COP1: variants seen among roughly 807,000 people sequenced by gnomAD.
The protein encoded by COP1 is E3 ubiquitin-protein ligase COP1.
COP1 carries 24 observed loss-of-function variants against 101.3 expected under a neutral mutation model. The ratio of observed to expected loss-of-function variants is 0.24; its 90% CI spans 0.17 to 0.33. COP1 has a LOEUF of 0.33. COP1 is among the 10% of genes least tolerant of loss of function. COP1 has a pLI of 1.00. For missense variants in COP1, 663 were observed against 906.2 expected (o/e 0.73, Z 3.45); for synonymous variants, 347 against 341.9 (o/e 1.01, Z -0.17).
At chr1:176,044,010 C>G (rs537000897) in intron 12 of COP1, among the ~76,000 whole-genome samples, 192 bp from the exon 13 acceptor site, 1 of 152,212 alleles carries the variant, frequency 6.6e-6, no homozygotes, top group Non-Finnish European at 1.5e-5. Flanking sequence ...TAAAAATTAA[C>G]AAGTAATGAC....
At position 176,176,011 on chromosome 1, in the gene COP1, T is replaced by TTA. The variant is rs1197996716; in HGVS notation, c.468-6_468-5dup. The TTA allele has an allele frequency of 1.1e-5, 15 of 1,417,224 alleles. No homozygotes were observed. The highest frequency in any genetic ancestry group is 1.5e-5 in the Non-Finnish European group (15 of 1,019,040). The allele number at this position is 1,417,224 out of a possible 1,614,324, so 87.8% of individuals were successfully genotyped here. A position where few individuals can be genotyped will look rare whatever the true frequency, so the allele number is the denominator to read the frequency against. On this transcript the variant is annotated splice_polypyrimidine_tract_variant and splice_region_variant and intron_variant, in intron 2 of 19. Coordinates refer to ENST00000367669, the MANE Select transcript of COP1 (RefSeq NM_022457.7). Reference sequence around the variant, plus strand: ...ACTCTGATGAATACACTTGTAGCTATTAGTAGGGGGGGAAAAAAAAGGCTT... The same window carrying TTA: ...ACTCTGATGAATACACTTGTAGCTATTATAGTAGGGGGGGAAAAAAAAGGCTT...
intron 1 of COP1, among the ~76,000 whole-genome samples, chr1:176,185,989 T>C (rs186976521): frequency 7.4e-4 from 112 of 152,266 alleles, no homozygotes; most frequent in Admixed American, 9.2e-4. Flanking sequence ...CTCAAATATG[T>C]ATAGATGATA....
Position 175,966,519 on chromosome 1 carries a change from A to G in COP1, c.2134-19280T>C, listed in dbSNP as rs150894742. Among the ~76,000 whole-genome samples the G allele has an allele frequency of 2.6e-3, 398 of 152,332 alleles. 3 individuals are homozygous for G. The highest frequency in any genetic ancestry group is 9.1e-3 in the African/African-American group (380 of 41,570). Reference sequence around the variant, plus strand: ...AAATTCATACACACAGCTAAGAAAGAGCAAAGCCAGGAATCAACTTGTGAA... The same window carrying G: ...AAATTCATACACACAGCTAAGAAAGGGCAAAGCCAGGAATCAACTTGTGAA... On this transcript the variant is annotated intron_variant, in intron 18 of 19. Coordinates refer to ENST00000367669, the MANE Select transcript of COP1 (RefSeq NM_022457.7).
intron 15 of COP1, among the ~76,000 whole-genome samples, chr1:176,004,424 T>C (rs1312142191): frequency 8.2e-6 from 1 of 122,154 alleles, no homozygotes; most frequent in African/African-American, 2.7e-5. Context: ...ATCCCTGTCT[T>C]GTGCCAGTTT....
chr1:176,135,233 A>G (rs777684571), intron 7 of COP1, 147 bp from the exon 8 acceptor site: 2 of 527,402 alleles, frequency 3.8e-6, no homozygotes, highest in Non-Finnish European at 6.8e-6. Flanking sequence ...CTTCCTCTCC[A>G]CAGAATACAA....
intron 15 of COP1, among the ~76,000 whole-genome samples, chr1:176,003,309 A>C (rs1424723414): frequency 1.3e-5 from 2 of 152,004 alleles, no homozygotes; most frequent in African/African-American, 4.8e-5. Flanking sequence ...TTGCCTGTTC[A>C]CTCTGATGGT....
chr1:176,173,322 A>G (rs12750151), intron 3 of COP1, among the ~76,000 whole-genome samples: 1 of 91,516 alleles, frequency 1.1e-5, no homozygotes, highest in South Asian at 4.9e-4. Flanking sequence ...AAAAAACAAA[A>G]TGAAAAAAAA....
chr1:176,168,639 T>C (rs988680757), intron 3 of COP1: 1 of 231,502 alleles, frequency 4.3e-6, no homozygotes, highest in Non-Finnish European at 9.1e-6. Flanking sequence ...GGGGTGGTAA[T>C]GGAGGGTCGG....
At chr1:175,997,956 T>G (rs1660597637) in intron 15 of COP1, among the ~76,000 whole-genome samples, 1 of 151,244 alleles carries the variant, frequency 6.6e-6, no homozygotes, top group Non-Finnish European at 1.5e-5. Flanking sequence ...ACACATTATG[T>G]TTATTGCGGC....
At chr1:176,069,247 G>C (rs1676560603) in intron 11 of COP1, among the ~76,000 whole-genome samples, 1 of 152,108 alleles carries the variant, frequency 6.6e-6, no homozygotes, top group Non-Finnish European at 1.5e-5. Context: ...CGTGGTTTTG[G>C]ACATAATGAA....
intron 18 of COP1, among the ~76,000 whole-genome samples, chr1:175,977,197 A>T (rs1323328595): frequency 6.6e-6 from 1 of 152,226 alleles, no homozygotes; most frequent in Non-Finnish European, 1.5e-5. Flanking sequence ...AAATAAAAGT[A>T]TGACCAACTG....
intron 11 of COP1, among the ~76,000 whole-genome samples, chr1:176,071,918 C>T (rs1677075507): frequency 6.6e-6 from 1 of 151,982 alleles, no homozygotes; most frequent in Admixed American, 6.6e-5. Flanking sequence ...CTAATAAAGG[C>T]AAGGGAAAAT....
intron 8 of COP1, among the ~76,000 whole-genome samples, chr1:176,128,547 A>G (rs1486470800): frequency 1.3e-5 from 2 of 151,956 alleles, no homozygotes; most frequent in African/African-American, 4.8e-5. Flanking sequence ...TGGTTTTACT[A>G]CTCCCACATA....
intron 11 of COP1, among the ~76,000 whole-genome samples, chr1:176,072,447 T>A (rs144871599): frequency 4.7e-4 from 71 of 152,312 alleles, no homozygotes; most frequent in African/African-American, 1.7e-3. Flanking sequence ...TTTAAAAGAC[T>A]GATCCCAGGC....
chr1:175,960,079 A>C (rs1651150903), intron 18 of COP1, among the ~76,000 whole-genome samples: 1 of 152,198 alleles, frequency 6.6e-6, no homozygotes, highest in African/African-American at 2.4e-5. Flanking sequence ...TCTCTTATAG[A>C]AAAAACAATT....
chr1:176,185,961 G>T (rs1698391450), intron 1 of COP1, among the ~76,000 whole-genome samples: 1 of 152,154 alleles, frequency 6.6e-6, no homozygotes, highest in African/African-American at 2.4e-5. Flanking sequence ...ATACAGGAAT[G>T]TAAAGTCTAA....
intron 15 of COP1, among the ~76,000 whole-genome samples, chr1:176,015,215 A>G (rs997377916): frequency 1.3e-5 from 2 of 152,194 alleles, no homozygotes; most frequent in South Asian, 4.1e-4. Context: ...CAAAGCAGGA[A>G]CGCAGGATAA....
At chr1:175,999,224 C>T (rs931889723) in intron 15 of COP1, among the ~76,000 whole-genome samples, 11 of 151,982 alleles carry the variant, frequency 7.2e-5, no homozygotes, top group African/African-American at 2.7e-4. Flanking sequence ...TTTTTTGTAG[C>T]CATTAACCAC....
chr1:176,154,816 GA>G (rs776826703), intron 5 of COP1, among the ~76,000 whole-genome samples: 50 of 152,222 alleles, frequency 3.3e-4, no homozygotes, highest in Non-Finnish European at 4.7e-4. Context: ...GAAAGGATAT[GA>G]AACTAGACGA....
Sources: gnomAD v4.1 joint callset for allele counts (sites outside exome capture counted in the v4.1 genomes callset) on GRCh38, gnomAD v4.1.1 for gene constraint, MANE v1.5 for transcripts, NCBI Gene and HGNC (gene_info 2026-07-23, HGNC 2026-07-21) for gene names.